PRKG1: variants seen among roughly 807,000 people sequenced by gnomAD.
PRKG1 encodes cGMP-dependent protein kinase 1.
A neutral mutation model predicts 88.1 loss-of-function variants in PRKG1; 35 were observed. The observed-to-expected ratio is 0.40, with a 90% CI of 0.30 to 0.53. PRKG1 has a LOEUF of 0.53. Ranked by LOEUF, PRKG1 falls within the 20% of genes least tolerant of loss-of-function variation. The pLI, the probability that PRKG1 is intolerant of heterozygous loss-of-function variation, is 0.59. For missense variants in PRKG1, 540 were observed against 839.8 expected (o/e 0.64, Z 4.41); for synonymous variants, 303 against 292.5 (o/e 1.04, Z -0.37).
At chr10:51,061,410 A>G (rs1476275350) in intron 1 of PRKG1, among the ~76,000 whole-genome samples, 2 of 152,188 alleles carry the variant, frequency 1.3e-5, no homozygotes, top group Admixed American at 6.5e-5. Context: ...CTACACTTCA[A>G]AATGAGATTT....
intron 3 of PRKG1, among the ~76,000 whole-genome samples, chr10:51,602,334 A>C (rs1341488124): frequency 6.6e-6 from 1 of 152,214 alleles, no homozygotes; most frequent in East Asian, 1.9e-4. Context: ...TATATGAATC[A>C]GAAATTATTT....
chr10:51,322,609 A>G (rs1246575022), intron 2 of PRKG1, among the ~76,000 whole-genome samples: 2 of 152,222 alleles, frequency 1.3e-5, no homozygotes, highest in Non-Finnish European at 2.9e-5. Flanking sequence ...TCTGAGGCCT[A>G]TGTGCCAAGA....
chr10:51,211,339 A>G (rs1352210186), intron 2 of PRKG1, among the ~76,000 whole-genome samples: 1 of 152,224 alleles, frequency 6.6e-6, no homozygotes, highest in Non-Finnish European at 1.5e-5. Flanking sequence ...GCTATCTATG[A>G]CAAACCTACA....
intron 8 of PRKG1, among the ~76,000 whole-genome samples, chr10:52,148,794 G>T (rs186247219): frequency 1.0e-3 from 152 of 152,180 alleles, no homozygotes; most frequent in Non-Finnish European, 1.7e-3. Flanking sequence ...TGAATGGTTA[G>T]CAGAGTCGTG....
chr10:51,705,016 G>A (rs947893296), intron 3 of PRKG1, among the ~76,000 whole-genome samples: 8 of 151,910 alleles, frequency 5.3e-5, no homozygotes, highest in Admixed American at 3.3e-4. Flanking sequence ...ACTCTGTTAC[G>A]TAGCTTCATT....
At chr10:51,584,544 T>C (rs1413691946) in intron 3 of PRKG1, among the ~76,000 whole-genome samples, 2 of 152,058 alleles carry the variant, frequency 1.3e-5, no homozygotes, top group Non-Finnish European at 2.9e-5. Flanking sequence ...GAAAGTTACT[T>C]ACCTGTTTAT....
At chr10:51,502,344 G>T (rs578067455) in intron 3 of PRKG1, among the ~76,000 whole-genome samples, 80 of 152,272 alleles carry the variant, frequency 5.3e-4, no homozygotes, top group Admixed American at 2.8e-3. Flanking sequence ...ATAGGTTCTT[G>T]TGCTCAGTTT....
At chr10:51,901,743 T>C (rs1254611300) in intron 4 of PRKG1, among the ~76,000 whole-genome samples, 1 of 152,224 alleles carries the variant, frequency 6.6e-6, no homozygotes, top group Non-Finnish European at 1.5e-5. Flanking sequence ...TTAGCTGGCA[T>C]GATAATCTTT....
intron 2 of PRKG1, among the ~76,000 whole-genome samples, chr10:51,304,367 A>G (rs1016859740): frequency 6.6e-6 from 1 of 152,196 alleles, no homozygotes; most frequent in Non-Finnish European, 1.5e-5. Context: ...TCATGTGAAC[A>G]ACTGATGTAA....
intron 5 of PRKG1, among the ~76,000 whole-genome samples, chr10:52,039,139 C>T (rs1393047969): frequency 1.3e-5 from 2 of 152,284 alleles, no homozygotes; most frequent in Non-Finnish European, 2.9e-5. Flanking sequence ...GAAGAGACCA[C>T]CAAACAGGCT....
chr10:51,962,973 T>C (rs146250431), intron 5 of PRKG1, among the ~76,000 whole-genome samples: 26 of 152,340 alleles, frequency 1.7e-4, no homozygotes, highest in African/African-American at 6.3e-4. Context: ...GAAATCTTTC[T>C]AGTTTGAGTT....
intron 3 of PRKG1, among the ~76,000 whole-genome samples, chr10:51,608,645 G>T (rs1412117778): frequency 6.6e-6 from 1 of 152,166 alleles, no homozygotes; most frequent in African/African-American, 2.4e-5. Context: ...AGTATCTAGT[G>T]TTACATGACT....
intron 5 of PRKG1, among the ~76,000 whole-genome samples, chr10:52,040,843 T>C (rs1223723850): frequency 6.9e-6 from 1 of 144,782 alleles, no homozygotes; most frequent in African/African-American, 2.6e-5. Flanking sequence ...TTTTTTTTTT[T>C]TTTTTTTTTT....
intron 3 of PRKG1, among the ~76,000 whole-genome samples, chr10:51,597,459 G>A (rs2132219746): frequency 6.6e-6 from 1 of 152,214 alleles, no homozygotes; most frequent in East Asian, 1.9e-4. Context: ...GGAATGATCT[G>A]TTTCAACTAA....
chr10:52,271,072 A>G (rs2132432196), intron 10 of PRKG1, among the ~76,000 whole-genome samples: 1 of 152,186 alleles, frequency 6.6e-6, no homozygotes. Flanking sequence ...TGAAATAATA[A>G]AACTAGAACT....
rs12412587 is a variant in PRKG1 at position 51,912,358 on chromosome 10, A to G, written c.762+4788A>G. On this transcript the variant is annotated intron_variant, in intron 5 of 17. Coordinates refer to ENST00000373980, the MANE Select transcript of PRKG1 (RefSeq NM_006258.4). ...GGAGATTTTTATGGTTGTAAGTAGTAAAGTGACATAAGCTGAGTTACGTTT... is the reference window on the plus strand; with the variant it reads ...GGAGATTTTTATGGTTGTAAGTAGTGAAGTGACATAAGCTGAGTTACGTTT... 9.3e-3 allele frequency among the ~76,000 whole-genome samples: 1,417 copies of G among 152,280 alleles called. 58 individuals carry two copies. The highest frequency in any genetic ancestry group is 0.068 in the Admixed American group (1,035 of 15,288).
chr10:52,019,043 G>A (rs1421376431), intron 5 of PRKG1, among the ~76,000 whole-genome samples: 1 of 152,144 alleles, frequency 6.6e-6, no homozygotes, highest in Non-Finnish European at 1.5e-5. Flanking sequence ...CATCTGGTGA[G>A]GGCCTCATCC....
chr10:51,977,797 T>TG (rs1843885617), intron 5 of PRKG1, among the ~76,000 whole-genome samples: 1 of 152,026 alleles, frequency 6.6e-6, no homozygotes, highest in South Asian at 2.1e-4. Context: ...TCATGTCCTT[T>TG]GTCCATTTTT....
intron 1 of PRKG1, among the ~76,000 whole-genome samples, chr10:51,135,970 GA>G (rs1481805385): frequency 8.5e-6 from 1 of 117,110 alleles, no homozygotes; most frequent in African/African-American, 3.2e-5. Context: ...TGTTGTGGGG[GA>G]AGGGGGGAGG....
Sources: gnomAD v4.1 joint callset for allele counts (sites outside exome capture counted in the v4.1 genomes callset) on GRCh38, gnomAD v4.1.1 for gene constraint, MANE v1.5 for transcripts, NCBI Gene and HGNC (gene_info 2026-07-23, HGNC 2026-07-21) for gene names.